The following ZNF92 variants were observed in gnomAD, a reference collection of about 807,000 sequenced individuals.
The protein encoded by ZNF92 is epididymis luminal protein 203.
Under a neutral mutation model 12.4 loss-of-function variants are expected in ZNF92, and 11 were observed. The observed-to-expected ratio is 0.89, with a 90% CI of 0.56 to 1.47. The LOEUF (loss-of-function observed/expected upper bound fraction) is 1.47, where lower values mean the gene tolerates loss of function less well. Among genes scored for constraint, ZNF92 ranks in the 40% most tolerant of loss-of-function variants. ZNF92 has a pLI of 0.00. For missense variants in ZNF92, 622 were observed against 681.0 expected (o/e 0.91, Z 0.96); for synonymous variants, 206 against 228.6 (o/e 0.90, Z 0.89).
intron 1 of ZNF92, among the ~76,000 whole-genome samples, chr7:65,382,905 T>A (rs1012920390): frequency 6.6e-6 from 1 of 152,072 alleles, no homozygotes; most frequent in Non-Finnish European, 1.5e-5. Flanking sequence ...CACAATTGTG[T>A]CTTTCTCTCT....
intron 3 of ZNF92, among the ~76,000 whole-genome samples, chr7:65,391,123 C>T (rs893869041): frequency 1.3e-5 from 2 of 152,048 alleles, no homozygotes; most frequent in East Asian, 1.9e-4. Flanking sequence ...CTCTTAAAGG[C>T]GCTTATTTTT....
chr7:65,378,702 A>G (rs1465768699), intron 1 of ZNF92, among the ~76,000 whole-genome samples: 1 of 151,744 alleles, frequency 6.6e-6, no homozygotes, highest in African/African-American at 2.4e-5. Flanking sequence ...AGATCGTGCC[A>G]CTGCACTCCA....
intron 3 of ZNF92, among the ~76,000 whole-genome samples, chr7:65,398,053 G>A (rs1379296997): frequency 1.3e-5 from 2 of 151,210 alleles, no homozygotes. Context: ...GGAGCAGGAA[G>A]AGCTGTGTTG....
At chr7:65,380,336 C>T (rs1402292590) in intron 1 of ZNF92, among the ~76,000 whole-genome samples, 4 of 152,072 alleles carry the variant, frequency 2.6e-5, no homozygotes, top group Non-Finnish European at 5.9e-5. Context: ...TCTTGGCTCA[C>T]TGCAGCCTCA....
intron 1 of ZNF92, among the ~76,000 whole-genome samples, chr7:65,375,621 T>C (rs887241164): frequency 3.3e-5 from 5 of 151,520 alleles, no homozygotes; most frequent in Non-Finnish European, 7.4e-5. Context: ...TTCCAAAAGA[T>C]ACAACAAAAC....
intron 1 of ZNF92, among the ~76,000 whole-genome samples, chr7:65,379,432 G>A (rs573859785): frequency 4.6e-5 from 7 of 152,150 alleles, no homozygotes; most frequent in African/African-American, 1.2e-4. Context: ...CACACTGCCC[G>A]TTGTCCTAGG....
At chr7:65,391,921 A>G (rs1276474252) in intron 3 of ZNF92, among the ~76,000 whole-genome samples, 1 of 152,112 alleles carries the variant, frequency 6.6e-6, no homozygotes, top group Non-Finnish European at 1.5e-5. Context: ...ATTCTTTTTA[A>G]TGGTACATCA....
chr7:65,375,404 T>C (rs1793212118), intron 1 of ZNF92, among the ~76,000 whole-genome samples: 1 of 152,056 alleles, frequency 6.6e-6, no homozygotes, highest in African/African-American at 2.4e-5. Context: ...AGCAGGTGGA[T>C]GCCCTGGGGC....
intron 1 of ZNF92, among the ~76,000 whole-genome samples, chr7:65,375,979 C>T (rs1483699599): frequency 6.6e-6 from 1 of 151,830 alleles, no homozygotes; most frequent in Non-Finnish European, 1.5e-5. Flanking sequence ...GTGGCGTGGT[C>T]TCGGCTCACT....
At chr7:65,385,843 G>GA (rs1584280229) in intron 1 of ZNF92, among the ~76,000 whole-genome samples, 1 of 151,758 alleles carries the variant, frequency 6.6e-6, no homozygotes, top group Admixed American at 6.6e-5. Flanking sequence ...AGAGAAAGAG[G>GA]AAAAAATGGC....
rs1367356162 is a variant in ZNF92, at chr7:65,398,232, A to G, written c.227-109A>G. 10 of 899,680 alleles carry G rather than the reference A, an allele frequency of 1.1e-5. No homozygotes were observed. The East Asian group carries it at 2.4e-4, about 22-fold the overall frequency. 55.7% of individuals were successfully genotyped at this position (899,680 alleles called of 1,614,324 possible). On this transcript the variant is annotated intron_variant, in intron 3 of 3. Transcript: ENST00000328747. ...AAGGAATTAGGGCTTGCATTTTGCTATGCCATCTTGCTTATGTTGTAGTTT... is the reference window on the plus strand; with the variant it reads ...AAGGAATTAGGGCTTGCATTTTGCTGTGCCATCTTGCTTATGTTGTAGTTT...
Position 65,398,760 on chromosome 7 carries a change from C to A in ZNF92, c.646C>A (p.Leu216Ile). Residue 216 changes from leucine to isoleucine, a missense_variant, in exon 4 of 4, where the codon CTT (leucine) becomes ATT (isoleucine). Coordinates refer to ENST00000328747, the MANE Select transcript of ZNF92 (RefSeq NM_152626.4). ...CGKAFNWSST[L>I]TKHKIIHTGE... ...TAAAGCCTTTAACTGGTCCTCAACC[C>A]TTACTAAACATAAGATAATTCATAC... The A allele has an allele frequency of 6.2e-7, 1 of 1,613,072 alleles. No individual in the cohort carries two copies. The highest frequency in any genetic ancestry group is 1.3e-5 in the African/African-American group (1 of 75,012).
Position 65,388,853 on chromosome 7 carries a change from AAAGAGCCCTGGAATCTG to A in ZNF92, c.184_200del (p.Pro62ThrfsTer2). 1 of 1,586,716 alleles carries A rather than the reference AAAGAGCCCTGGAATCTG, an allele frequency of 6.3e-7. No individual in the cohort carries two copies. The highest frequency in any genetic ancestry group is 8.6e-7 in the Non-Finnish European group (1 of 1,163,912). ...CCTGATCACCTGGCTGGAGCAAGGA[AAAGAGCCCTGGAATCTG>A]AAGAGACATGAGATGGTAGACAAAA... On this transcript the variant is annotated frameshift_variant, in exon 3 of 4. Coordinates refer to ENST00000328747, the MANE Select transcript of ZNF92 (RefSeq NM_152626.4). LOFTEE classifies it low-confidence loss of function (END_TRUNC).
rs558591032 is a variant in ZNF92, at chr7:65,392,866, C to G, written c.226+3965C>G. ...CCCAAATGTTTGAGGCCAGCTTGGA[C>G]AGCATGTGGAGACCCTCTCTCTACA... On this transcript the variant is annotated intron_variant, in intron 3 of 3. Coordinates refer to ENST00000328747, the MANE Select transcript of ZNF92 (RefSeq NM_152626.4). 3.6e-4 allele frequency among the ~76,000 whole-genome samples: 55 copies of G among 151,970 alleles called. 1 individual carries two copies. Among genetic ancestry groups the G allele is most frequent in the African/African-American group, 1.3e-3 (55 of 41,462 alleles).
Position 65,399,448 on chromosome 7 carries a change from G to C in ZNF92, c.1334G>C (p.Arg445Thr). ...TCCTCAGCTTTTACTAAACATAAGA[G>C]AAATCATATGGAAGATAAACCCTAC... ...SWSSAFTKHK[R>T]NHMEDKPYKC... is the part of the protein sequence containing the mutation. The change falls in exon 4 of 4, where the codon AGA becomes ACA. Residue 445 changes from arginine to threonine, a missense_variant. Transcript: ENST00000328747. The C allele has an allele frequency of 6.2e-7, 1 of 1,610,506 alleles. No individual in the cohort carries two copies. Among genetic ancestry groups the C allele is most frequent in the South Asian group, 1.1e-5 (1 of 90,874 alleles).
intron 3 of ZNF92, among the ~76,000 whole-genome samples, chr7:65,392,324 TG>T (rs1247352766): frequency 6.6e-6 from 1 of 152,002 alleles, no homozygotes; most frequent in Admixed American, 6.6e-5. Flanking sequence ...GAAACATTTT[TG>T]TAATTTGAAG....
intron 3 of ZNF92, among the ~76,000 whole-genome samples, chr7:65,389,179 G>A (rs1040952147): frequency 2.0e-5 from 3 of 151,884 alleles, no homozygotes; most frequent in Admixed American, 6.6e-5. Context: ...GGCTAGTCTC[G>A]AACTCTCGAC....
intron 1 of ZNF92, among the ~76,000 whole-genome samples, chr7:65,375,721 G>A (rs1793220264): frequency 6.6e-6 from 1 of 151,792 alleles, no homozygotes; most frequent in South Asian, 2.1e-4. Flanking sequence ...GGTGGTGCAT[G>A]CCTGTAATCC....
chr7:65,396,343 CCTG>C (rs1174551342), intron 3 of ZNF92, among the ~76,000 whole-genome samples: 5 of 151,784 alleles, frequency 3.3e-5, no homozygotes, highest in Non-Finnish European at 5.9e-5. Flanking sequence ...CTCATAGTGA[CCTG>C]CTTTATTTTT....
Sources: gnomAD v4.1 joint callset for allele counts (sites outside exome capture counted in the v4.1 genomes callset) on GRCh38, gnomAD v4.1.1 for gene constraint, MANE v1.5 for transcripts, NCBI Gene and HGNC (gene_info 2026-07-23, HGNC 2026-07-21) for gene names.